Variants in ZBTB46 observed in about 807,000 individuals in gnomAD.
ZBTB46 encodes the protein zinc finger and BTB domain containing 46.
ZBTB46 carries 8 observed loss-of-function variants against 44.1 expected under a neutral mutation model. That is an observed-to-expected ratio of 0.18 (90% confidence interval 0.11 to 0.33). The LOEUF is 0.33. Ranked by LOEUF, ZBTB46 falls within the 10% of genes least tolerant of loss-of-function variation. The probability of loss-of-function intolerance (pLI) is 1.00; values close to 1 mark genes in which losing one functional copy is unlikely to be tolerated. For missense variants in ZBTB46, 651 were observed against 847.7 expected (o/e 0.77, Z 2.88); for synonymous variants, 409 against 382.3 (o/e 1.07, Z -0.81).
intron 4 of ZBTB46, among the ~76,000 whole-genome samples, chr20:63,750,656 G>A (rs990352585): frequency 6.6e-6 from 1 of 152,080 alleles, no homozygotes; most frequent in African/African-American, 2.4e-5. Flanking sequence ...TGTAATCCCA[G>A]CACTTTGGGA....
At chr20:63,808,353 G>A (rs1190579688) in intron 1 of ZBTB46, among the ~76,000 whole-genome samples, 1 of 152,222 alleles carries the variant, frequency 6.6e-6, no homozygotes, top group Non-Finnish European at 1.5e-5. Flanking sequence ...GAGCGCAGGG[G>A]AGGGCCCGGA....
chr20:63,790,006 A>G lies in ZBTB46; in HGVS notation c.752T>C (p.Val251Ala). 1 of 1,614,072 alleles carries G rather than the reference A, an allele frequency of 6.2e-7. No individual in the cohort carries two copies. Among genetic ancestry groups the G allele is most frequent in the Non-Finnish European group, 8.5e-7 (1 of 1,180,024 alleles). Reference protein sequence around the residue: ...SELPSAKDGAVQNSFSEQSAG... With the variant: ...SELPSAKDGAAQNSFSEQSAG... ...ACTCTGCTCTGAGAAAGAGTTCTGTACTGCACCGTCCTTGGCAGAAGGCAG... is the reference window on the plus strand; with the variant it reads ...ACTCTGCTCTGAGAAAGAGTTCTGTGCTGCACCGTCCTTGGCAGAAGGCAG... The change falls in exon 2 of 5, where the codon GTA (valine) becomes GCA (alanine). Residue 251 changes from valine to alanine, a missense_variant. Around this residue, in one of 5 missense-constraint regions of ZBTB46, gnomAD observed 385 missense variants for 423.3 expected, o/e 0.91. Transcript: ENST00000245663.
chr20:63,751,721 G>C (rs1884846), intron 4 of ZBTB46, among the ~76,000 whole-genome samples: 3 of 40,390 alleles, frequency 7.4e-5, no homozygotes, highest in Admixed American at 3.7e-4. Flanking sequence ...CCGGTGGGTC[G>C]CACCATGAAG....
chr20:63,832,301 G>T (rs1405764222), upstream of ZBTB46, among the ~76,000 whole-genome samples: 1 of 152,106 alleles, frequency 6.6e-6, no homozygotes, highest in Non-Finnish European at 1.5e-5. The surrounding 1 kb of genome is among the most constrained non-coding windows in gnomAD (Gnocchi z 5.0). Context: ...AGGGGTAAAG[G>T]CCACCTCGCT....
chr20:63,776,522 C>T (rs1412242267), intron 2 of ZBTB46, among the ~76,000 whole-genome samples: 2 of 152,132 alleles, frequency 1.3e-5, no homozygotes, highest in East Asian at 3.9e-4. Flanking sequence ...AAGAAAGTGA[C>T]GCCGGGTGCG....
intron 4 of ZBTB46, among the ~76,000 whole-genome samples, chr20:63,749,545 C>T (rs1374937761): frequency 2.6e-5 from 4 of 152,288 alleles, no homozygotes; most frequent in Non-Finnish European, 4.4e-5. Flanking sequence ...ACCGTGTTAG[C>T]CAGGATGGTC....
chr20:63,760,416 C>A (rs1281033909), intron 3 of ZBTB46, among the ~76,000 whole-genome samples: 1 of 151,874 alleles, frequency 6.6e-6, no homozygotes, highest in South Asian at 2.1e-4. Context: ...GTATAATAAT[C>A]TTATCTATCC....
chr20:63,825,339 T>A (rs1337986361), intron 1 of ZBTB46, among the ~76,000 whole-genome samples: 1 of 147,684 alleles, frequency 6.8e-6, no homozygotes, highest in Admixed American at 6.8e-5. Flanking sequence ...AGGCAGAGGT[T>A]GTAATGAGCC....
chr20:63,792,571 C>A (rs1398874028), intron 1 of ZBTB46, among the ~76,000 whole-genome samples: 1 of 151,812 alleles, frequency 6.6e-6, no homozygotes, highest in Non-Finnish European at 1.5e-5. Context: ...GGCTGGAGTG[C>A]AGTGGTTTGA....
chr20:63,798,419 A>T (rs1239036560), intron 1 of ZBTB46, among the ~76,000 whole-genome samples: 1 of 152,052 alleles, frequency 6.6e-6, no homozygotes, highest in Non-Finnish European at 1.5e-5. Flanking sequence ...TCACACCTGT[A>T]ATCTCAGCAC....
chr20:63,768,258 A>G, intron 3 of ZBTB46: 2 of 556,848 alleles, frequency 3.6e-6, no homozygotes, highest in Non-Finnish European at 4.6e-6. Flanking sequence ...TTAATTTCAA[A>G]ATCCAAAATG....
rs147806749 is a variant in ZBTB46 at position 63,748,920 on chromosome 20, C to T, written c.1399-1619G>A. On this transcript the variant is annotated intron_variant, in intron 4 of 4. Coordinates refer to ENST00000245663, the MANE Select transcript of ZBTB46 (RefSeq NM_001369741.1). ...CTGCTACACTTGCAAAGACCTCTGACGGGCAGGCACCACAGCTACCACCTC... is the reference window on the plus strand; with the variant it reads ...CTGCTACACTTGCAAAGACCTCTGATGGGCAGGCACCACAGCTACCACCTC... 1.9e-3 allele frequency among the ~76,000 whole-genome samples: 282 copies of T among 152,346 alleles called. 1 individual carries two copies. Among genetic ancestry groups the T allele is most frequent in the Admixed American group, 3.5e-3 (54 of 15,310 alleles).
At chr20:63,808,901 C>CG (rs1052464549) in intron 1 of ZBTB46, among the ~76,000 whole-genome samples, 18 of 132,536 alleles carry the variant, frequency 1.4e-4, no homozygotes, top group African/African-American at 4.5e-4. Context: ...GGCGGGAACC[C>CG]GGGGGGCGGA....
chr20:63,807,662 T>G (rs2092690043), intron 1 of ZBTB46, among the ~76,000 whole-genome samples: 1 of 152,232 alleles, frequency 6.6e-6, no homozygotes, highest in Non-Finnish European at 1.5e-5. Context: ...ACTCCATTTT[T>G]TAACATTTTG....
chr20:63,744,632 T>C lies in ZBTB46; in HGVS notation c.*2298A>G, dbSNP rs1280151085. ...TCTTTTCCCTCCACGCCTCCTGAGA[T>C]GGACGTGCTCACCTGGGCCTCGGAA... On this transcript the variant is annotated 3_prime_UTR_variant, in exon 5 of 5. Transcript: ENST00000245663. 2 of 152,356 alleles carry C rather than the reference T, an allele frequency of 1.3e-5. No individual in the cohort carries two copies. Among genetic ancestry groups the C allele is most frequent in the Non-Finnish European group, 2.9e-5 (2 of 68,042 alleles). The allele number at this position is 152,356 out of a possible 1,614,324, so 9.4% of individuals were successfully genotyped here.
At chr20:63,825,761 T>C (rs1424425402) in intron 1 of ZBTB46, among the ~76,000 whole-genome samples, 1 of 152,240 alleles carries the variant, frequency 6.6e-6, no homozygotes, top group Non-Finnish European at 1.5e-5. Context: ...TGTGGGATTC[T>C]TTCAGGGAAG....
Position 63,790,584 on chromosome 20 carries a change from C to T in ZBTB46, c.174G>A (p.Thr58=), listed in dbSNP as rs778696862. 2.0e-5 allele frequency: 32 copies of T among 1,612,974 alleles called. No individual in the cohort carries two copies. Among genetic ancestry groups the T allele is most frequent in the African/African-American group, 6.7e-5 (5 of 74,944 alleles). Residue 58 remains threonine, a synonymous_variant, in exon 2 of 5, where the codon ACG becomes ACA. Coordinates refer to ENST00000245663, the MANE Select transcript of ZBTB46 (RefSeq NM_001369741.1). ...VLLGSSRYFK[T]LYCQVQKTSE... ...ACGTCTTCTGCACCTGGCAGTAGAG[C>T]GTCTTGAAGTAGCGGCTGCTGCCCA...
chr20:63,757,545 G>A (rs1012438824), intron 3 of ZBTB46, among the ~76,000 whole-genome samples: 5 of 152,244 alleles, frequency 3.3e-5, no homozygotes, highest in East Asian at 1.9e-4. Flanking sequence ...CTGGCGGCGT[G>A]TCTACCCTGC....
At chr20:63,748,762 T>C (rs2092129938) in intron 4 of ZBTB46, among the ~76,000 whole-genome samples, 1 of 152,238 alleles carries the variant, frequency 6.6e-6, no homozygotes, top group Non-Finnish European at 1.5e-5. Context: ...GCAGCACCTC[T>C]GAGGCTGCAC....
Sources: gnomAD v4.1 joint callset for allele counts (sites outside exome capture counted in the v4.1 genomes callset) on GRCh38, gnomAD v4.1.1 for gene constraint, gnomAD v4.1.1 regional missense constraint, Gnocchi (gnomAD v3.1) non-coding constraint, MANE v1.5 for transcripts, NCBI Gene and HGNC (gene_info 2026-07-23, HGNC 2026-07-21) for gene names.